The following TOX variants were observed in gnomAD, a reference collection of about 807,000 sequenced individuals.
TOX encodes thymocyte selection associated high mobility group box.
TOX carries 11 observed loss-of-function variants against 53.7 expected under a neutral mutation model. The observed-to-expected ratio is 0.20, with a 90% confidence interval of 0.13 to 0.34. The LOEUF is 0.34. Ranked by LOEUF, TOX falls within the 10% of genes least tolerant of loss-of-function variation. TOX has a pLI of 1.00. For missense variants in TOX, 570 were observed against 664.6 expected, an observed-to-expected ratio of 0.86 and a Z score of 1.56; for synonymous variants, 225 against 245.3, an observed-to-expected ratio of 0.92 and a Z score of 0.77.
chr8:58,846,019 C>T (rs891197426), intron 4 of TOX, among the ~76,000 whole-genome samples: 12 of 151,952 alleles, frequency 7.9e-5, no homozygotes, highest in Admixed American at 3.3e-4. Flanking sequence ...AAATGCTAGG[C>T]GGCTATGTTA....
chr8:58,823,262 G>A (rs563354065), intron 6 of TOX, among the ~76,000 whole-genome samples: 4 of 151,844 alleles, frequency 2.6e-5, no homozygotes, highest in South Asian at 2.1e-4. Flanking sequence ...TTACTCTGTC[G>A]CCCAGGATGG....
At chr8:58,808,334 T>C in intron 7 of TOX, 65 bp from the exon 8 acceptor site, 5 of 1,545,550 alleles carry the variant, frequency 3.2e-6, no homozygotes, top group Non-Finnish European at 4.4e-6. Flanking sequence ...AGCACCTAAA[T>C]ATTTATTCAT....
intron 1 of TOX, among the ~76,000 whole-genome samples, chr8:59,007,235 T>G (rs1813807766): frequency 6.6e-6 from 1 of 151,852 alleles, no homozygotes; most frequent in African/African-American, 2.4e-5. Flanking sequence ...TTTTTTTTCT[T>G]CAGTTATGCA....
intron 4 of TOX, among the ~76,000 whole-genome samples, chr8:58,841,883 G>A (rs993851866): frequency 3.9e-5 from 6 of 152,048 alleles, no homozygotes; most frequent in African/African-American, 1.4e-4. Context: ...ATAAATGAAT[G>A]CTTATTCATA....
intron 1 of TOX, among the ~76,000 whole-genome samples, chr8:59,045,079 T>C (rs1000062766): frequency 1.1e-4 from 17 of 152,270 alleles, no homozygotes; most frequent in African/African-American, 4.1e-4. Context: ...GTAATTGTTA[T>C]TATTTTCCAG....
intron 3 of TOX, among the ~76,000 whole-genome samples, chr8:58,876,969 G>T (rs1269031294): frequency 2.0e-5 from 3 of 152,184 alleles, no homozygotes; most frequent in African/African-American, 7.2e-5. Context: ...CTTTTAGGAA[G>T]AGGCACGTTA....
intron 3 of TOX, among the ~76,000 whole-genome samples, chr8:58,906,589 A>G (rs1230549430): frequency 6.6e-6 from 1 of 152,230 alleles, no homozygotes; most frequent in East Asian, 1.9e-4. Context: ...ATAAAAAAAG[A>G]AAACTCTATT....
intron 3 of TOX, among the ~76,000 whole-genome samples, chr8:58,857,299 T>G (rs1810932422): frequency 2.0e-5 from 3 of 152,198 alleles, no homozygotes. Flanking sequence ...TTTTCAAGCC[T>G]AATGAACTTC....
intron 1 of TOX, among the ~76,000 whole-genome samples, chr8:58,981,891 G>C (rs755102550): frequency 6.6e-6 from 1 of 152,046 alleles, no homozygotes; most frequent in Non-Finnish European, 1.5e-5. Flanking sequence ...TGCCCCATCT[G>C]TCATTTCTCA....
intron 1 of TOX, among the ~76,000 whole-genome samples, chr8:59,046,622 C>G (rs886396080): frequency 3.9e-5 from 6 of 152,010 alleles, no homozygotes; most frequent in African/African-American, 1.4e-4. Context: ...CTTTGAGAGG[C>G]CAAAGTGGGT....
intron 3 of TOX, among the ~76,000 whole-genome samples, chr8:58,905,312 A>G (rs963175364): frequency 6.6e-6 from 1 of 152,224 alleles, no homozygotes; most frequent in African/African-American, 2.4e-5. Flanking sequence ...ACAGAGGAAC[A>G]ATTATATTCA....
At chr8:58,869,035 T>C (rs563550162) in intron 3 of TOX, among the ~76,000 whole-genome samples, 12 of 152,084 alleles carry the variant, frequency 7.9e-5, no homozygotes, top group Non-Finnish European at 1.5e-4. Context: ...CTAATAATCC[T>C]GGCCAACATG....
At chr8:59,000,619 C>G (rs1343431233) in intron 1 of TOX, among the ~76,000 whole-genome samples, 2 of 152,126 alleles carry the variant, frequency 1.3e-5, no homozygotes, top group Non-Finnish European at 2.9e-5. Flanking sequence ...TAACTTGACT[C>G]AAATCATTTA....
At chr8:59,023,636 T>C (rs1000010529) in intron 1 of TOX, among the ~76,000 whole-genome samples, 8 of 152,180 alleles carry the variant, frequency 5.3e-5, no homozygotes, top group African/African-American at 1.4e-4. Context: ...CTTCTTGGAA[T>C]AGAGACTATT....
intron 3 of TOX, among the ~76,000 whole-genome samples, chr8:58,852,143 A>T (rs948390052): frequency 1.3e-5 from 2 of 152,106 alleles, no homozygotes; most frequent in Non-Finnish European, 2.9e-5. Flanking sequence ...CAGCATGATC[A>T]TATTTATATA....
intron 1 of TOX, among the ~76,000 whole-genome samples, chr8:58,988,006 C>T (rs1291927481): frequency 6.6e-6 from 1 of 152,188 alleles, no homozygotes; most frequent in Non-Finnish European, 1.5e-5. Flanking sequence ...TCTTCTGACT[C>T]CCAGGGTCTA....
intron 1 of TOX, among the ~76,000 whole-genome samples, chr8:59,098,233 C>T (rs551932752): frequency 3.4e-4 from 52 of 152,124 alleles, no homozygotes; most frequent in Non-Finnish European, 4.7e-4. Flanking sequence ...ATTCCTTTTT[C>T]AGTTTTCTGA....
At chr8:59,038,121 T>C (rs937249172) in intron 1 of TOX, among the ~76,000 whole-genome samples, 2 of 152,232 alleles carry the variant, frequency 1.3e-5, no homozygotes, top group African/African-American at 2.4e-5. Flanking sequence ...TGTATCTACT[T>C]TAATCATATG....
At chr8:59,012,026 C>A (rs574826291) in intron 1 of TOX, among the ~76,000 whole-genome samples, 4 of 152,074 alleles carry the variant, frequency 2.6e-5, no homozygotes, top group Non-Finnish European at 4.4e-5. Context: ...AAATCATTTC[C>A]GGGTCAGGCA....
Sources: gnomAD v4.1 joint callset for allele counts (sites outside exome capture counted in the v4.1 genomes callset) on GRCh38, gnomAD v4.1.1 for gene constraint, MANE v1.5 for transcripts, NCBI Gene and HGNC (gene_info 2026-07-23, HGNC 2026-07-21) for gene names.